TMEM44: variants seen among roughly 807,000 people sequenced by gnomAD.
The protein encoded by TMEM44 is transmembrane protein 44.
Under a neutral mutation model 47.8 loss-of-function variants are expected in TMEM44, and 43 were observed. That is an observed-to-expected ratio of 0.90 (90% CI 0.70 to 1.16). The LOEUF (loss-of-function observed/expected upper bound fraction) is 1.16. Among genes scored for constraint, TMEM44 ranks in the 50% most tolerant of loss-of-function variants. The pLI is 0.00. For missense variants in TMEM44, 568 were observed against 555.2 expected (o/e 1.02, Z -0.23); for synonymous variants, 277 against 238.8 (o/e 1.16, Z -1.48).
chr3:194,593,917 C>G (rs1422987485), intron 9 of TMEM44, among the ~76,000 whole-genome samples: 1 of 152,104 alleles, frequency 6.6e-6, no homozygotes, highest in Non-Finnish European at 1.5e-5. Context: ...CTCAACTGAT[C>G]TTCCTGCCTC....
intron 8 of TMEM44, among the ~76,000 whole-genome samples, chr3:194,607,507 G>A (rs1029756241): frequency 6.6e-6 from 1 of 152,114 alleles, no homozygotes; most frequent in Non-Finnish European, 1.5e-5. Flanking sequence ...ATTATGCCAA[G>A]TACAAGGCTG....
chr3:194,602,589 G>A (rs1292436407), intron 9 of TMEM44, among the ~76,000 whole-genome samples: 4 of 141,068 alleles, frequency 2.8e-5, no homozygotes, highest in East Asian at 4.3e-4. Context: ...GTGACAGAGC[G>A]AGAACTCCTT....
intron 9 of TMEM44, among the ~76,000 whole-genome samples, chr3:194,604,082 G>GGT (rs1714478166): frequency 6.6e-6 from 1 of 152,152 alleles, no homozygotes; most frequent in South Asian, 2.1e-4. Context: ...TCAAACTCCT[G>GGT]ACCTCAGGTG....
chr3:194,621,883 T>G (rs1228674442), intron 5 of TMEM44, among the ~76,000 whole-genome samples: 1 of 152,200 alleles, frequency 6.6e-6, no homozygotes. Flanking sequence ...GGCTAGTTTT[T>G]GTATTTTTAG....
chr3:194,633,138 G>A lies in TMEM44; in HGVS notation c.78C>T (p.Val26=). The A allele has an allele frequency of 6.4e-7, 1 of 1,551,536 alleles. No individual in the cohort carries two copies. The highest frequency in any genetic ancestry group is 8.7e-7 in the Non-Finnish European group (1 of 1,148,064). The change falls in exon 1 of 10, where the codon GTC becomes GTT. Residue 26 remains valine (V), a synonymous_variant. Coordinates refer to ENST00000347147, the MANE Select transcript of TMEM44 (RefSeq NM_001011655.3). ...AGATCCACAGGCCGAAGGAGATGCA[G>A]ACGCGGTGGCGGGCGAAGCAGCGGT... ...YLDRCFARHR[V]CISFGLWICA...
At chr3:194,617,059 T>C in intron 6 of TMEM44, 40 bp downstream of exon 6, 1 of 1,450,080 alleles carries the variant, frequency 6.9e-7, no homozygotes, top group East Asian at 2.6e-5. Context: ...AGGCCTCCTC[T>C]GGCTGCAAGC....
At chr3:194,594,559 C>A (rs931962383) in intron 9 of TMEM44, among the ~76,000 whole-genome samples, 1 of 149,668 alleles carries the variant, frequency 6.7e-6, no homozygotes, top group Admixed American at 6.7e-5. Context: ...TTATACCTAA[C>A]AAAATTAGTG....
chr3:194,630,012 C>T (rs1212782027), intron 1 of TMEM44, among the ~76,000 whole-genome samples: 4 of 83,722 alleles, frequency 4.8e-5, no homozygotes, highest in Non-Finnish European at 9.2e-5. Context: ...GTACCTGCCT[C>T]CAGAAGGGGC....
chr3:194,621,688 C>A (rs1006159969), intron 5 of TMEM44, among the ~76,000 whole-genome samples: 6 of 151,956 alleles, frequency 3.9e-5, no homozygotes, highest in Non-Finnish European at 2.9e-5. Flanking sequence ...CCTGGAGCTG[C>A]TATTCAACCA....
chr3:194,626,692 T>TC (rs1717217296), intron 2 of TMEM44, among the ~76,000 whole-genome samples: 1 of 150,274 alleles, frequency 6.7e-6, no homozygotes, highest in African/African-American at 2.4e-5. Context: ...TTTTTTTTTT[T>TC]TTTTTTTTTG....
intron 9 of TMEM44, among the ~76,000 whole-genome samples, chr3:194,603,829 G>T (rs711980): frequency 6.6e-6 from 1 of 152,142 alleles, no homozygotes; most frequent in Admixed American, 6.5e-5. Flanking sequence ...CTGACACACA[G>T]GGTAGGGGCC....
chr3:194,594,566 A>G (rs1054370046), intron 9 of TMEM44, among the ~76,000 whole-genome samples: 7 of 152,234 alleles, frequency 4.6e-5, no homozygotes, highest in Admixed American at 3.9e-4. Flanking sequence ...TAACAAAATT[A>G]GTGATAATTC....
chr3:194,617,277 G>A lies in TMEM44; in HGVS notation c.613-8C>T. ...AAATGTCTTCCCCCGGCACTGGGCA[G>A]AGAGAGGGAGGGGCTGGGCGGGAGA... is the stretch of plus-strand genomic sequence containing the variant. On this transcript the variant is annotated splice_region_variant and splice_polypyrimidine_tract_variant and intron_variant, in intron 5 of 9. Transcript: ENST00000347147. The A allele has an allele frequency of 7.0e-7, 1 of 1,438,140 alleles. No individual in the cohort carries two copies. Among genetic ancestry groups the A allele is most frequent in the Non-Finnish European group, 9.4e-7 (1 of 1,065,060 alleles). 89.1% of individuals were successfully genotyped at this position (1,438,140 alleles called of 1,614,324 possible). A position where few individuals can be genotyped will look rare whatever the true frequency, so the allele number is the denominator to read the frequency against.
chr3:194,612,254 C>A (rs926216580), intron 7 of TMEM44, among the ~76,000 whole-genome samples: 2 of 152,104 alleles, frequency 1.3e-5, no homozygotes, highest in African/African-American at 4.8e-5. Context: ...ACACAGGGCT[C>A]TGTTAATATT....
intron 5 of TMEM44, 99 bp downstream of exon 5, chr3:194,623,125 G>T: frequency 2.1e-5 from 24 of 1,170,496 alleles, no homozygotes; most frequent in Non-Finnish European, 2.8e-5. Flanking sequence ...ATGCACCCAC[G>T]GTGACGCCAC....
At chr3:194,626,828 C>G (rs949449449) in intron 2 of TMEM44, among the ~76,000 whole-genome samples, 37 of 151,904 alleles carry the variant, frequency 2.4e-4, no homozygotes, top group African/African-American at 8.5e-4. Flanking sequence ...GGACTTCAGG[C>G]GCCTGCCACC....
Position 194,588,540 on chromosome 3 carries a change from C to A in TMEM44, c.1276G>T (p.Asp426Tyr). ...QDSVRTAHLS[D>Y]DD ...GGCTCCAGAAGGTGTTAATCATCAT[C>A]ACTCAGGTGTGCTGTCCTCACAGAG... The change falls in exon 10 of 10, where the codon GAT becomes TAT. Residue 426 changes from aspartate (D) to tyrosine (Y), a missense_variant. Coordinates refer to ENST00000347147, the MANE Select transcript of TMEM44 (RefSeq NM_001011655.3). 1.2e-6 allele frequency: 2 copies of A among 1,614,054 alleles called. No individual in the cohort carries two copies. The highest frequency in any genetic ancestry group is 1.7e-6 in the Non-Finnish European group (2 of 1,179,944).
At chr3:194,622,411 T>C (rs1716643029) in intron 5 of TMEM44, 1 of 152,190 alleles carries the variant, frequency 6.6e-6, no homozygotes, top group South Asian at 2.1e-4. Flanking sequence ...CTGCTTCACA[T>C]TCCCGTGTCT....
chr3:194,629,758 T>C, intron 1 of TMEM44, among the ~76,000 whole-genome samples: 1 of 62,428 alleles, frequency 1.6e-5, no homozygotes, highest in South Asian at 9.7e-4. Context: ...TCGGCGTCAC[T>C]GATAGGGCCC....
Sources: gnomAD v4.1 joint callset for allele counts (sites outside exome capture counted in the v4.1 genomes callset) on GRCh38, gnomAD v4.1.1 for gene constraint, MANE v1.5 for transcripts, NCBI Gene and HGNC (gene_info 2026-07-23, HGNC 2026-07-21) for gene names.